The following EHMT1 variants were observed in gnomAD, a reference collection of about 807,000 sequenced individuals.
The protein encoded by EHMT1 is euchromatic histone lysine methyltransferase 1.
EHMT1 carries 15 observed loss-of-function variants against 147.2 expected under a neutral mutation model. That is an observed-to-expected ratio of 0.10 (90% CI 0.07 to 0.16). The LOEUF (loss-of-function observed/expected upper bound fraction) is 0.16, where lower values mean the gene tolerates loss of function less well. EHMT1 is among the 10% of genes least tolerant of loss of function. The pLI is 1.00. For missense variants in EHMT1, 1,587 were observed against 1,772.4 expected (o/e 0.90, Z 1.88); for synonymous variants, 795 against 709.6 (o/e 1.12, Z -1.91).
At chr9:137,774,768 T>C (rs1213145282) in intron 10 of EHMT1, among the ~76,000 whole-genome samples, 1 of 144,108 alleles carries the variant, frequency 6.9e-6, no homozygotes, top group Non-Finnish European at 1.5e-5. Context: ...TGGTCGCGTC[T>C]GGCCCCCTGG....
chr9:137,669,336 G>C (rs1321909129), intron 1 of EHMT1, among the ~76,000 whole-genome samples: 1 of 22,190 alleles, frequency 4.5e-5, no homozygotes, highest in Non-Finnish European at 8.4e-5. Flanking sequence ...CACAGCACGT[G>C]GACCCCACAC....
At chr9:137,784,435 C>G in intron 15 of EHMT1, 1 of 1,182,924 alleles carries the variant, frequency 8.5e-7, no homozygotes, top group Non-Finnish European at 1.0e-6. Flanking sequence ...GTCGTTCGTG[C>G]ATCTTTTGAA....
intron 23 of EHMT1, chr9:137,816,528 T>G (rs373911340): frequency 7.7e-6 from 2 of 260,152 alleles, no homozygotes; most frequent in African/African-American, 4.4e-5. Flanking sequence ...AGGACGCTCA[T>G]GGAGTAAGGC....
chr9:137,741,121 C>T lies in EHMT1; in HGVS notation c.824-2250C>T, dbSNP rs555496752. Among the ~76,000 whole-genome samples the T allele has an allele frequency of 3.4e-4, 52 of 152,196 alleles. No individual in the cohort carries two copies. The South Asian group carries it at 6.2e-3, about 18-fold the overall frequency. ...CCTCCCGAGTAGCTGGGACTACAGG[C>T]GCCCGCCACCTTGGCCGGCTAATTT... On this transcript the variant is annotated intron_variant, in intron 4 of 26. Transcript: ENST00000460843.
At chr9:137,720,920 G>A (rs1411891863) in intron 3 of EHMT1, among the ~76,000 whole-genome samples, 1 of 152,080 alleles carries the variant, frequency 6.6e-6, no homozygotes, top group Non-Finnish European at 1.5e-5. Flanking sequence ...TTCATTGAAC[G>A]AGGAAATTGC....
At chr9:137,621,860 A>G (rs1842954389) in intron 1 of EHMT1, among the ~76,000 whole-genome samples, 1 of 151,988 alleles carries the variant, frequency 6.6e-6, no homozygotes, top group South Asian at 2.1e-4. Context: ...TCTTTTTTAA[A>G]ATAATGCAGG....
chr9:137,679,810 A>G (rs1461958373), intron 1 of EHMT1, among the ~76,000 whole-genome samples: 2 of 152,154 alleles, frequency 1.3e-5, no homozygotes, highest in African/African-American at 4.8e-5. Flanking sequence ...AAATCTGTAA[A>G]GCTTTTCCTT....
chr9:137,626,635 C>T (rs942233435), intron 1 of EHMT1, among the ~76,000 whole-genome samples: 1 of 151,868 alleles, frequency 6.6e-6, no homozygotes, highest in East Asian at 1.9e-4. Context: ...TGTAACCTTT[C>T]CTTTAGTGTC....
intron 6 of EHMT1, chr9:137,747,815 T>C (rs1948670423): frequency 6.6e-6 from 1 of 151,722 alleles, no homozygotes; most frequent in Non-Finnish European, 1.5e-5. Flanking sequence ...TGACCTCCCA[T>C]CCCCAAAAGT....
In EHMT1 at chr9:137,787,962, C is replaced by G; in HGVS notation, c.2383-2886C>G. ...CCAGAGGGAGGCCCTGTGTCCCCCA[C>G]TGGACAGCCCCCCAGGAACTGAGGT... On this transcript the variant is annotated intron_variant, in intron 15 of 26. Coordinates refer to ENST00000460843, the MANE Select transcript of EHMT1 (RefSeq NM_024757.5). This position sits in a 1 kb window ranked among gnomAD's most constrained non-coding sequence, Gnocchi z 4.2. 6.7e-7 allele frequency: 1 copy of G among 1,493,964 alleles called. No individual in the cohort carries two copies. The highest frequency in any genetic ancestry group is 9.3e-7 in the Non-Finnish European group (1 of 1,077,596). The allele number at this position is 1,493,964 out of a possible 1,614,324, so 92.5% of individuals were successfully genotyped here.
intron 18 of EHMT1, among the ~76,000 whole-genome samples, chr9:137,811,124 G>A (rs966570321): frequency 2.0e-5 from 3 of 152,114 alleles, no homozygotes; most frequent in African/African-American, 7.2e-5. Flanking sequence ...TGAAAGAAAA[G>A]TGCCTCCAAG....
chr9:137,743,367 T>C lies in EHMT1; in HGVS notation c.824-4T>C, dbSNP rs544787491. On this transcript the variant is annotated splice_polypyrimidine_tract_variant and splice_region_variant and intron_variant, in intron 4 of 26. Coordinates refer to ENST00000460843, the MANE Select transcript of EHMT1 (RefSeq NM_024757.5). Reference sequence around the variant, plus strand: ...CCCCTTTTGACTTTTTTTTTTTTTTTTAGCTTGCTTGCCTTTTGTTTTAGC... The same window carrying C: ...CCCCTTTTGACTTTTTTTTTTTTTTCTAGCTTGCTTGCCTTTTGTTTTAGC... The C allele has an allele frequency of 4.3e-5, 69 of 1,589,868 alleles. No individual in the cohort carries two copies. In the South Asian group the frequency reaches 7.7e-4, roughly 18 times the overall value.
In EHMT1 at chr9:137,746,060, T is replaced by C. The variant is rs570624174; in HGVS notation, c.1170+1970T>C. 3 of 152,624 alleles carry C rather than the reference T, an allele frequency of 2.0e-5. No homozygotes were observed. The East Asian group carries it at 5.8e-4, about 29-fold the overall frequency. 9.5% of individuals were successfully genotyped at this position (152,624 alleles called of 1,614,324 possible). On this transcript the variant is annotated intron_variant, in intron 6 of 26. Transcript: ENST00000460843. ...CTTTTTTGTCAACGAAGAGTTGATCTGTTGGCTCCAGTATGAATGGAGGTT... is the reference window on the plus strand; with the variant it reads ...CTTTTTTGTCAACGAAGAGTTGATCCGTTGGCTCCAGTATGAATGGAGGTT...
intron 8 of EHMT1, among the ~76,000 whole-genome samples, chr9:137,756,477 C>G (rs1949385484): frequency 6.6e-6 from 1 of 152,198 alleles, no homozygotes; most frequent in African/African-American, 2.4e-5. Context: ...GAGGCGTCAT[C>G]CCCTGAAAAG....
At chr9:137,788,232 C>A in intron 15 of EHMT1, 2 of 508,498 alleles carry the variant, frequency 3.9e-6, no homozygotes, top group Non-Finnish European at 6.9e-6. Flanking sequence ...ATGCTCCTCC[C>A]TGGAGTCCCC....
At chr9:137,674,477 C>T (rs904036240) in intron 1 of EHMT1, among the ~76,000 whole-genome samples, 1 of 152,220 alleles carries the variant, frequency 6.6e-6, no homozygotes, top group Non-Finnish European at 1.5e-5. Context: ...CCCAGATGCC[C>T]TGACTCTCGG....
chr9:137,760,661 A>G (rs761813618), intron 9 of EHMT1, among the ~76,000 whole-genome samples: 1 of 152,174 alleles, frequency 6.6e-6, no homozygotes, highest in Non-Finnish European at 1.5e-5. Context: ...CAGATTCCAA[A>G]TGGGCTAGAG....
rs142271310 is a variant in EHMT1 at position 137,716,894 on chromosome 9, T to C, written c.354T>C (p.Ser118=). Residue 118 remains serine (S), a synonymous_variant, in exon 3 of 27, where the codon TCT becomes TCC. Transcript: ENST00000460843. ...CTGCCGACGACTTTGTGCAGACTTC[T>C]GTCATCGGCAGCAACGGATACATCT... ...HVTADDFVQT[S]VIGSNGYILN... 3 of 1,613,196 alleles carry C rather than the reference T, an allele frequency of 1.9e-6. No homozygotes were observed. Among genetic ancestry groups the C allele is most frequent in the East Asian group, 2.2e-5 (1 of 44,876 alleles).
intron 1 of EHMT1, among the ~76,000 whole-genome samples, chr9:137,669,963 G>T (rs1441083733): frequency 1.3e-5 from 2 of 152,070 alleles, no homozygotes; most frequent in Non-Finnish European, 2.9e-5. Flanking sequence ...CAATTGTTCT[G>T]CCTCAGCCTC....
Sources: allele counts gnomAD v4.1 joint callset (sites outside exome capture counted in the v4.1 genomes callset), GRCh38; gene constraint gnomAD v4.1.1; non-coding constraint Gnocchi (gnomAD v3.1); transcripts MANE v1.5; gene names NCBI Gene and HGNC (gene_info 2026-07-23, HGNC 2026-07-21).